RBFOX1: variants seen among roughly 807,000 people sequenced by gnomAD.
RBFOX1 encodes RNA binding protein fox-1 homolog 1.
A neutral mutation model predicts 57.7 loss-of-function variants in RBFOX1; 8 were observed. The ratio of observed to expected loss-of-function variants is 0.14; its 90% CI spans 0.08 to 0.25. The LOEUF is 0.25. Among genes scored for constraint, RBFOX1 ranks in the 10% least tolerant of loss-of-function variants. RBFOX1 has a pLI of 1.00. For missense variants in RBFOX1, 611 were observed against 548.5 expected (o/e 1.11, Z -1.14); for synonymous variants, 326 against 222.4 (o/e 1.47, Z -4.15).
intron 4 of RBFOX1, among the ~76,000 whole-genome samples, chr16:5,902,102 A>G (rs1419514570): frequency 6.6e-6 from 1 of 152,204 alleles, no homozygotes; most frequent in Non-Finnish European, 1.5e-5. Context: ...TTTGAACTGT[A>G]AGCTCTAAAT....
At chr16:5,616,077 G>T (rs1036483969) in intron 3 of RBFOX1, 26 of 152,802 alleles carry the variant, frequency 1.7e-4, no homozygotes, top group Non-Finnish European at 3.7e-4. Flanking sequence ...GTCTCTCTGG[G>T]AGCACCTGTA....
chr16:7,402,698 G>A (rs1480916292), intron 4 of RBFOX1, among the ~76,000 whole-genome samples: 1 of 152,140 alleles, frequency 6.6e-6, no homozygotes, highest in African/African-American at 2.4e-5. Context: ...GACAGCCACT[G>A]GCACCTAATA....
intron 4 of RBFOX1, among the ~76,000 whole-genome samples, chr16:7,410,051 C>T (rs769243082): frequency 1.4e-5 from 2 of 147,884 alleles, no homozygotes; most frequent in African/African-American, 4.9e-5. Context: ...CTGCATCTTA[C>T]ATTGGAGTCT....
chr16:7,491,794 C>G (rs1016385589), intron 4 of RBFOX1, among the ~76,000 whole-genome samples: 30 of 151,978 alleles, frequency 2.0e-4, no homozygotes, highest in African/African-American at 5.3e-4. Flanking sequence ...CCATGCCCAG[C>G]TAATTAATAT....
chr16:5,861,246 C>A (rs2057205643), intron 3 of RBFOX1, among the ~76,000 whole-genome samples: 1 of 152,204 alleles, frequency 6.6e-6, no homozygotes, highest in Non-Finnish European at 1.5e-5. Flanking sequence ...GAACCATCTT[C>A]TCCCCTTTGA....
chr16:7,552,115 T>A (rs191039905), intron 5 of RBFOX1, among the ~76,000 whole-genome samples: 4 of 152,304 alleles, frequency 2.6e-5, no homozygotes, highest in African/African-American at 9.6e-5. Context: ...CCACCACCCG[T>A]TTTTAATTCC....
chr16:6,784,766 G>T (rs1484403641), intron 3 of RBFOX1, among the ~76,000 whole-genome samples: 1 of 151,962 alleles, frequency 6.6e-6, no homozygotes, highest in Non-Finnish European at 1.5e-5. Context: ...GTCGGGGGTT[G>T]TGGGGAAGTA....
intron 3 of RBFOX1, among the ~76,000 whole-genome samples, chr16:6,960,840 T>C (rs1459710970): frequency 6.6e-6 from 1 of 151,784 alleles, no homozygotes; most frequent in Non-Finnish European, 1.5e-5. Flanking sequence ...TCAAAGAGAT[T>C]AAATGCCTCA....
intron 5 of RBFOX1, among the ~76,000 whole-genome samples, chr16:7,576,572 G>A (rs2093356267): frequency 6.6e-6 from 1 of 152,090 alleles, no homozygotes; most frequent in Non-Finnish European, 1.5e-5. Context: ...TTGTATATAA[G>A]CATACACTAC....
intron 2 of RBFOX1, among the ~76,000 whole-genome samples, chr16:6,609,595 TA>T (rs199923265): frequency 4.0e-5 from 6 of 151,860 alleles, no homozygotes; most frequent in African/African-American, 7.2e-5. Flanking sequence ...TTCCTTAATT[TA>T]AAAAAAAATT....
intron 5 of RBFOX1, among the ~76,000 whole-genome samples, chr16:7,573,452 C>G (rs982820421): frequency 9.9e-5 from 15 of 152,132 alleles, no homozygotes; most frequent in Admixed American, 9.2e-4. Flanking sequence ...TTCCTCCATT[C>G]TCTGAATTTT....
intron 3 of RBFOX1, among the ~76,000 whole-genome samples, chr16:6,844,557 C>T (rs574626191): frequency 3.3e-5 from 5 of 151,902 alleles, no homozygotes; most frequent in South Asian, 2.1e-4. Flanking sequence ...TGTATATGTA[C>T]GACTTTTTTT....
chr16:6,262,076 T>A lies in RBFOX1; in HGVS notation c.-126-54919T>A, dbSNP rs79412399. 9.2e-3 allele frequency among the ~76,000 whole-genome samples: 1,400 copies of A among 151,960 alleles called. 23 individuals carry two copies. The highest frequency in any genetic ancestry group is 0.032 in the African/African-American group (1,321 of 41,458). On this transcript the variant is annotated intron_variant, in intron 1 of 15. Transcript: ENST00000550418. Reference sequence around the variant, plus strand: ...GAAAGATGGATATTTTCTTTTTAAATAAGGTGAAACGTAGAGATGACAAAG... The same window carrying A: ...GAAAGATGGATATTTTCTTTTTAAAAAAGGTGAAACGTAGAGATGACAAAG...
At chr16:5,268,536 G>T (rs2062919350) in intron 1 of RBFOX1, among the ~76,000 whole-genome samples, 2 of 152,200 alleles carry the variant, frequency 1.3e-5, no homozygotes, top group Admixed American at 6.5e-5. Context: ...TGGCTCACCA[G>T]GTCCAATCCA....
intron 14 of RBFOX1, among the ~76,000 whole-genome samples, chr16:7,706,354 A>C (rs2082435765): frequency 6.6e-6 from 1 of 152,190 alleles, no homozygotes; most frequent in African/African-American, 2.4e-5. Context: ...GGAGTAGTTC[A>C]ATGCTGCTGT....
intron 4 of RBFOX1, among the ~76,000 whole-genome samples, chr16:7,059,801 A>G (rs1172575011): frequency 1.3e-5 from 2 of 152,004 alleles, no homozygotes; most frequent in Admixed American, 6.5e-5. Flanking sequence ...ATTTGTTCCC[A>G]GGGCTGCTTC....
At chr16:7,422,905 C>G (rs1050684073) in intron 4 of RBFOX1, 3 of 152,192 alleles carry the variant, frequency 2.0e-5, no homozygotes, top group African/African-American at 7.3e-5. Context: ...TTGCCATTTG[C>G]TAAAGCCTCT....
At chr16:7,559,531 C>G (rs1293604466) in intron 5 of RBFOX1, among the ~76,000 whole-genome samples, 2 of 152,152 alleles carry the variant, frequency 1.3e-5, no homozygotes, top group African/African-American at 2.4e-5. Context: ...AGGGAAAACA[C>G]AGGCCTTGCA....
intron 5 of RBFOX1, among the ~76,000 whole-genome samples, chr16:7,527,999 C>T (rs1567677889): frequency 1.3e-5 from 2 of 152,196 alleles, no homozygotes; most frequent in African/African-American, 2.4e-5. Context: ...TTCAATCACT[C>T]ATGTTTTAGT....
Sources: allele counts gnomAD v4.1 joint callset (sites outside exome capture counted in the v4.1 genomes callset), GRCh38; gene constraint gnomAD v4.1.1; transcripts MANE v1.5; gene names NCBI Gene and HGNC (gene_info 2026-07-23, HGNC 2026-07-21).